The following PDE7B variants were observed in gnomAD, a reference collection of about 807,000 sequenced individuals.
PDE7B encodes phosphodiesterase 7B, also known as 3',5'-cyclic-AMP phosphodiesterase 7B.
In PDE7B, 29 loss-of-function variants were observed where a neutral mutation model predicts 56.2. That is an observed-to-expected ratio of 0.52 (90% CI 0.38 to 0.70). The LOEUF (loss-of-function observed/expected upper bound fraction) is 0.70. PDE7B is among the 30% of genes least tolerant of loss of function. PDE7B has a pLI of 0.00. For missense variants in PDE7B, 490 were observed against 565.0 expected (o/e 0.87, Z 1.35); for synonymous variants, 197 against 196.9 (o/e 1.00, Z 0.00).
chr6:136,154,259 G>A (rs1018441956), intron 7 of PDE7B, 84 bp downstream of exon 7: 6 of 741,598 alleles, frequency 8.1e-6, no homozygotes, highest in Non-Finnish European at 1.4e-5. Flanking sequence ...CAACATATCT[G>A]AGTAACTATG....
intron 1 of PDE7B, among the ~76,000 whole-genome samples, chr6:135,861,263 G>A (rs894612522): frequency 6.6e-6 from 1 of 151,788 alleles, no homozygotes; most frequent in Non-Finnish European, 1.5e-5. Context: ...CTGGGCCACA[G>A]GGAATGTTTA....
chr6:135,992,870 C>T (rs185617848), intron 2 of PDE7B, among the ~76,000 whole-genome samples: 15 of 152,286 alleles, frequency 9.8e-5, no homozygotes, highest in Non-Finnish European at 2.1e-4. Context: ...TTATAAAGTG[C>T]TTTCAAGTAC....
At chr6:136,047,795 C>G (rs1391051007) in intron 2 of PDE7B, among the ~76,000 whole-genome samples, 2 of 152,152 alleles carry the variant, frequency 1.3e-5, no homozygotes, top group African/African-American at 2.4e-5. Flanking sequence ...GTTTTCTTTA[C>G]TCAGTGCATA....
intron 2 of PDE7B, chr6:136,047,474 G>C (rs1449750286): frequency 6.6e-6 from 1 of 152,104 alleles, no homozygotes; most frequent in Non-Finnish European, 1.5e-5. Context: ...CCTTTCTTTG[G>C]CCCTCATCCC....
At chr6:135,887,961 G>A (rs1027335165) in intron 1 of PDE7B, among the ~76,000 whole-genome samples, 2 of 151,956 alleles carry the variant, frequency 1.3e-5, no homozygotes, top group African/African-American at 4.8e-5. Context: ...CCAATTCTTT[G>A]TTCTACTGCG....
intron 3 of PDE7B, among the ~76,000 whole-genome samples, chr6:136,133,723 T>A (rs1378767945): frequency 6.6e-6 from 1 of 152,156 alleles, no homozygotes; most frequent in African/African-American, 2.4e-5. Flanking sequence ...GTGCAGCATC[T>A]GCCACATAGC....
intron 3 of PDE7B, among the ~76,000 whole-genome samples, chr6:136,110,712 A>ATTTTT (rs10708902): frequency 9.5e-5 from 12 of 126,824 alleles, no homozygotes; most frequent in African/African-American, 3.4e-4. Flanking sequence ...ATTCTGCAAC[A>ATTTTT]TTTTTTTTTT....
At chr6:136,051,189 T>G (rs1216495349) in intron 2 of PDE7B, among the ~76,000 whole-genome samples, 2 of 152,184 alleles carry the variant, frequency 1.3e-5, no homozygotes, top group Non-Finnish European at 2.9e-5. Context: ...CTCCATGCTC[T>G]CTGTACCTTT....
At chr6:135,890,583 C>T (rs2128190084) in intron 1 of PDE7B, among the ~76,000 whole-genome samples, 1 of 152,272 alleles carries the variant, frequency 6.6e-6, no homozygotes, top group East Asian at 1.9e-4. Context: ...ACATCATAAA[C>T]TCTCCAAGGA....
At chr6:136,172,472 T>G (rs913900858) in intron 8 of PDE7B, among the ~76,000 whole-genome samples, 24 of 152,244 alleles carry the variant, frequency 1.6e-4, no homozygotes, top group African/African-American at 5.3e-4. Context: ...TTCGCCCACT[T>G]TTTAATGGGG....
At chr6:136,086,609 G>C (rs765037212) in intron 2 of PDE7B, among the ~76,000 whole-genome samples, 179 of 152,232 alleles carry the variant, frequency 1.2e-3, no homozygotes, top group Non-Finnish European at 1.9e-3. Context: ...TGGGAATCCA[G>C]TTTCTCTTTC....
intron 2 of PDE7B, among the ~76,000 whole-genome samples, chr6:136,093,114 C>A (rs2128216336): frequency 6.6e-6 from 1 of 152,318 alleles, no homozygotes; most frequent in East Asian, 1.9e-4. Context: ...AAAAACACAT[C>A]AAATGATCTC....
At chr6:135,965,331 G>A (rs1481807766) in intron 2 of PDE7B, among the ~76,000 whole-genome samples, 1 of 152,152 alleles carries the variant, frequency 6.6e-6, no homozygotes, top group Admixed American at 6.5e-5. Flanking sequence ...CTCAGGATCT[G>A]CAGCAACTGT....
Position 136,108,764 on chromosome 6 carries a change from G to C in PDE7B, c.116G>C (p.Arg39Pro), listed in dbSNP as rs374809923. The C allele has an allele frequency of 1.2e-6, 2 of 1,611,854 alleles. No homozygotes were observed. Among genetic ancestry groups the C allele is most frequent in the Non-Finnish European group, 1.7e-6 (2 of 1,178,092 alleles). Reference sequence around the variant, plus strand: ...CGACTAAGGGGTCAGACGGGGGTTCGTGCTGAACGCCGTGGCTCCTACCCA... The same window carrying C: ...CGACTAAGGGGTCAGACGGGGGTTCCTGCTGAACGCCGTGGCTCCTACCCA... ...DIRLRGQTGVRAERRGSYPFI... is the reference protein window; with the variant it reads ...DIRLRGQTGVPAERRGSYPFI... Residue 39 changes from arginine to proline, a missense_variant, in exon 3 of 13, where the codon CGT becomes CCT. Physicochemically the swap from Arg to Pro is moderately radical, Grantham distance 103. Transcript: ENST00000308191.
intron 1 of PDE7B, among the ~76,000 whole-genome samples, chr6:135,942,387 A>C (rs552026027): frequency 6.6e-6 from 1 of 152,160 alleles, no homozygotes; most frequent in Non-Finnish European, 1.5e-5. Context: ...AAAATTATAT[A>C]TATCTATTGT....
At chr6:136,109,148 G>A (rs1018086029) in intron 3 of PDE7B, among the ~76,000 whole-genome samples, 1 of 152,122 alleles carries the variant, frequency 6.6e-6, no homozygotes, top group African/African-American at 2.4e-5. Flanking sequence ...CAGGAGTTGG[G>A]CAACAGAGTG....
At chr6:135,975,140 T>C (rs1333519423) in intron 2 of PDE7B, among the ~76,000 whole-genome samples, 2 of 151,812 alleles carry the variant, frequency 1.3e-5, no homozygotes, top group Non-Finnish European at 2.9e-5. Flanking sequence ...TCCAGTCGTT[T>C]TTTTTTTGTT....
chr6:136,124,489 G>A (rs148373504), intron 3 of PDE7B, among the ~76,000 whole-genome samples: 1 of 152,294 alleles, frequency 6.6e-6, no homozygotes, highest in African/African-American at 2.4e-5. Context: ...ATAAAACAAT[G>A]TCAAATGACA....
At chr6:136,150,062 A>G (rs1778484510) in intron 5 of PDE7B, among the ~76,000 whole-genome samples, 1 of 152,202 alleles carries the variant, frequency 6.6e-6, no homozygotes, top group Admixed American at 6.5e-5. Context: ...GTATTTGTTT[A>G]AAAGAGAATA....
Sources: gnomAD v4.1 joint callset for allele counts (sites outside exome capture counted in the v4.1 genomes callset) on GRCh38, gnomAD v4.1.1 for gene constraint, MANE v1.5 for transcripts, NCBI Gene and HGNC (gene_info 2026-07-23, HGNC 2026-07-21) for gene names.